The following SLC25A21 variants were observed in gnomAD, a reference collection of about 807,000 sequenced individuals.
SLC25A21 encodes the protein mitochondrial 2-oxodicarboxylate carrier.
A neutral mutation model predicts 43.8 loss-of-function variants in SLC25A21; 47 were observed. The ratio of observed to expected loss-of-function variants is 1.07; its 90% confidence interval spans 0.85 to 1.37. The LOEUF is 1.37. SLC25A21 is among the 40% of genes most tolerant of loss of function. SLC25A21 has a pLI of 0.00. For missense variants in SLC25A21, 352 were observed against 350.2 expected (o/e 1.00, Z -0.04); for synonymous variants, 131 against 121.3 (o/e 1.08, Z -0.52).
At chr14:37,116,919 CT>C (rs1281015101) in intron 1 of SLC25A21, among the ~76,000 whole-genome samples, 6 of 152,118 alleles carry the variant, frequency 3.9e-5, no homozygotes, top group African/African-American at 2.4e-5. Flanking sequence ...GGCAGGACAG[CT>C]TTTCAAAACA....
chr14:37,168,404 T>C (rs1158343302), intron 1 of SLC25A21, among the ~76,000 whole-genome samples: 2 of 152,192 alleles, frequency 1.3e-5, no homozygotes, highest in African/African-American at 2.4e-5. Flanking sequence ...CTCTTCAGTA[T>C]TTTAAATGAA....
Position 36,946,064 on chromosome 14 carries a change from A to G in SLC25A21, c.71-71060T>C, listed in dbSNP as rs1375417451. Among the ~76,000 whole-genome samples, 8 of 152,222 alleles carry G rather than the reference A, an allele frequency of 5.3e-5. 1 individual carries two copies. Among genetic ancestry groups the G allele is most frequent in the Admixed American group, 5.2e-4 (8 of 15,276 alleles). ...CGTTAGCACAAGAAAAAAGGATCAG[A>G]TAAATTAGTGAATACCTCAAGGATG... is the stretch of plus-strand genomic sequence containing the variant. On this transcript the variant is annotated intron_variant, in intron 1 of 9. Coordinates refer to ENST00000331299, the MANE Select transcript of SLC25A21 (RefSeq NM_030631.4).
chr14:37,023,401 T>C (rs1000935269), intron 1 of SLC25A21, among the ~76,000 whole-genome samples: 1 of 151,006 alleles, frequency 6.6e-6, no homozygotes, highest in Non-Finnish European at 1.5e-5. Context: ...GGTGCTCCAT[T>C]GCTAAAGTTC....
intron 6 of SLC25A21, among the ~76,000 whole-genome samples, chr14:36,722,385 C>T (rs974421836): frequency 7.9e-5 from 12 of 152,098 alleles, no homozygotes; most frequent in Non-Finnish European, 1.8e-4. Context: ...TGTTCAAACT[C>T]ATAGAAGGTA....
At chr14:37,114,795 G>A (rs1416774153) in intron 1 of SLC25A21, among the ~76,000 whole-genome samples, 1 of 151,916 alleles carries the variant, frequency 6.6e-6, no homozygotes, top group African/African-American at 2.4e-5. Flanking sequence ...TGGCGGGGGG[G>A]GAATTGGTGG....
chr14:37,054,079 A>G (rs144137236), intron 1 of SLC25A21, among the ~76,000 whole-genome samples: 2 of 152,186 alleles, frequency 1.3e-5, no homozygotes, highest in Admixed American at 6.5e-5. Flanking sequence ...AGTGGAAACA[A>G]CATTCTTCAA....
chr14:36,837,495 A>G (rs1889248927), intron 2 of SLC25A21, among the ~76,000 whole-genome samples: 1 of 152,112 alleles, frequency 6.6e-6, no homozygotes, highest in South Asian at 2.1e-4. Flanking sequence ...GAGGAGCAAC[A>G]ATTGTGAGGA....
chr14:36,715,414 T>G (rs1043209956), intron 6 of SLC25A21, among the ~76,000 whole-genome samples: 4 of 152,232 alleles, frequency 2.6e-5, no homozygotes, highest in African/African-American at 9.6e-5. Flanking sequence ...ACTTATTTGA[T>G]TATGGGGCTT....
At chr14:36,729,802 C>T (rs188608774) in intron 4 of SLC25A21, among the ~76,000 whole-genome samples, 1 of 152,294 alleles carries the variant, frequency 6.6e-6, no homozygotes, top group East Asian at 1.9e-4. Context: ...TCCTTTAGAG[C>T]AGTAAATGAA....
intron 1 of SLC25A21, among the ~76,000 whole-genome samples, chr14:36,918,413 C>T (rs11847341): frequency 0.018 from 2,675 of 152,194 alleles, 69 homozygotes; most frequent in African/African-American, 0.06. Context: ...TCTCAAACAT[C>T]CCAGTTTCCT....
At chr14:37,139,736 G>A (rs2138917864) in intron 1 of SLC25A21, among the ~76,000 whole-genome samples, 1 of 152,264 alleles carries the variant, frequency 6.6e-6, no homozygotes, top group African/African-American at 2.4e-5. Context: ...GACAGTGAAG[G>A]CAGTACATTC....
At chr14:37,059,091 C>T (rs963798719) in intron 1 of SLC25A21, among the ~76,000 whole-genome samples, 2 of 152,186 alleles carry the variant, frequency 1.3e-5, no homozygotes, top group African/African-American at 4.8e-5. Flanking sequence ...TGAACATCTT[C>T]AGGGCAAGGA....
intron 1 of SLC25A21, among the ~76,000 whole-genome samples, chr14:37,041,433 C>A (rs1961469204): frequency 6.6e-6 from 1 of 151,988 alleles, no homozygotes; most frequent in African/African-American, 2.4e-5. Context: ...GAGTGAGGAT[C>A]ACTTTGAACC....
chr14:36,718,635 C>T (rs1447807412), intron 6 of SLC25A21, among the ~76,000 whole-genome samples: 3 of 152,132 alleles, frequency 2.0e-5, no homozygotes, highest in Non-Finnish European at 2.9e-5. Flanking sequence ...ACATACTAAG[C>T]TTTGTGATAT....
intron 1 of SLC25A21, among the ~76,000 whole-genome samples, chr14:37,059,210 T>G (rs1251825256): frequency 6.6e-6 from 1 of 152,210 alleles, no homozygotes; most frequent in Non-Finnish European, 1.5e-5. Flanking sequence ...GCAGCTACTG[T>G]ATACACATCA....
chr14:36,917,487 A>G (rs1891861790), intron 1 of SLC25A21, among the ~76,000 whole-genome samples: 1 of 151,808 alleles, frequency 6.6e-6, no homozygotes, highest in African/African-American at 2.4e-5. Flanking sequence ...GCCCTTTCCC[A>G]CCAAATTTGG....
chr14:36,832,986 A>T (rs1376273456), intron 2 of SLC25A21, among the ~76,000 whole-genome samples: 1 of 152,198 alleles, frequency 6.6e-6, no homozygotes, highest in Non-Finnish European at 1.5e-5. Context: ...TGGAAAAAAA[A>T]CCTGGATTTC....
intron 2 of SLC25A21, among the ~76,000 whole-genome samples, chr14:36,814,760 G>C (rs1246033358): frequency 1.3e-5 from 2 of 152,162 alleles, no homozygotes; most frequent in African/African-American, 4.8e-5. Flanking sequence ...AGACAGTGTG[G>C]CGATTCCTCA....
chr14:36,818,744 T>A (rs1218314891), intron 2 of SLC25A21, among the ~76,000 whole-genome samples: 1 of 152,216 alleles, frequency 6.6e-6, no homozygotes, highest in Non-Finnish European at 1.5e-5. Context: ...TGCATTTTGG[T>A]CAATCATGTA....
Sources: gnomAD v4.1 joint callset for allele counts (sites outside exome capture counted in the v4.1 genomes callset) on GRCh38, gnomAD v4.1.1 for gene constraint, MANE v1.5 for transcripts, NCBI Gene and HGNC (gene_info 2026-07-23, HGNC 2026-07-21) for gene names.